The following PARD6G variants were observed in gnomAD, a reference collection of about 807,000 sequenced individuals.
PARD6G encodes par-6 family cell polarity regulator gamma, also known as partitioning defective 6 homolog gamma.
Under a neutral mutation model 10.7 loss-of-function variants are expected in PARD6G, and 7 were observed. That is an observed-to-expected ratio of 0.66 (90% CI 0.37 to 1.23). The LOEUF (loss-of-function observed/expected upper bound fraction) is 1.23, where lower values mean the gene tolerates loss of function less well. PARD6G is among the 50% of genes most tolerant of loss of function. The pLI is 0.02. For missense variants in PARD6G, 548 were observed against 571.8 expected (o/e 0.96, Z 0.42); for synonymous variants, 287 against 269.4 (o/e 1.07, Z -0.64).
chr18:80,235,717 C>T (rs1314202555), intron 1 of PARD6G, among the ~76,000 whole-genome samples: 1 of 152,138 alleles, frequency 6.6e-6, no homozygotes, highest in Non-Finnish European at 1.5e-5. Flanking sequence ...TCAGAGAATA[C>T]TATAAACACC....
At chr18:80,225,871 A>G (rs1281842220) in intron 1 of PARD6G, among the ~76,000 whole-genome samples, 1 of 152,096 alleles carries the variant, frequency 6.6e-6, no homozygotes, top group African/African-American at 2.4e-5. Context: ...AGGAGATCAG[A>G]GCACACCTAG....
At chr18:80,174,340 A>G (rs1416738243) in intron 2 of PARD6G, among the ~76,000 whole-genome samples, 1 of 152,158 alleles carries the variant, frequency 6.6e-6, no homozygotes, top group East Asian at 1.9e-4. Context: ...CCTTTGACAG[A>G]GAGGGGAACT....
At chr18:80,169,567 A>G (rs953340390) in intron 2 of PARD6G, 6 of 152,208 alleles carry the variant, frequency 3.9e-5, no homozygotes, top group African/African-American at 1.4e-4. Flanking sequence ...GGTCCTCTTC[A>G]CAGCCACTCC....
intron 1 of PARD6G, among the ~76,000 whole-genome samples, chr18:80,217,606 A>T (rs1967183466): frequency 6.6e-6 from 1 of 151,816 alleles, no homozygotes; most frequent in African/African-American, 2.4e-5. Flanking sequence ...CAGTATAATA[A>T]TGAGAAACAT....
intron 1 of PARD6G, among the ~76,000 whole-genome samples, chr18:80,222,860 G>A (rs1333627790): frequency 1.3e-5 from 2 of 151,866 alleles, no homozygotes; most frequent in African/African-American, 4.8e-5. Flanking sequence ...TTTTTTTGTA[G>A]AGACAGTGTT....
Position 80,159,931 on chromosome 18 carries a change from G to T in PARD6G, c.971C>A (p.Ser324Tyr). The change falls in exon 3 of 3, where the codon TCC (serine) becomes TAC (tyrosine). Residue 324 changes from serine to tyrosine, a missense_variant. Around this residue, in one of 2 missense-constraint regions of PARD6G, gnomAD observed 313 missense variants for 279.9 expected, o/e 1.12. Transcript: ENST00000353265. ...QTPGAPAGSL[S>Y]RVNGAGLAQR... ...CGCCAGGCCCGCGCCATTGACCCGGGAGAGGCTGCCTGCGGGCGCGCCCGG... is the reference window on the plus strand; with the variant it reads ...CGCCAGGCCCGCGCCATTGACCCGGTAGAGGCTGCCTGCGGGCGCGCCCGG... The T allele has an allele frequency of 6.6e-7, 1 of 1,510,948 alleles. No homozygotes were observed. The allele number at this position is 1,510,948 out of a possible 1,614,324, so 93.6% of individuals were successfully genotyped here.
intron 1 of PARD6G, among the ~76,000 whole-genome samples, chr18:80,214,175 C>T (rs999258425): frequency 1.3e-4 from 20 of 150,894 alleles, no homozygotes; most frequent in Admixed American, 1.1e-3. Flanking sequence ...AGAATGATAC[C>T]GGACAGGCGC....
chr18:80,177,247 G>T (rs1483864510), intron 2 of PARD6G, among the ~76,000 whole-genome samples: 1 of 36,822 alleles, frequency 2.7e-5, no homozygotes, highest in African/African-American at 2.2e-4. Flanking sequence ...CACACACACA[G>T]TACAAATCAC....
intron 2 of PARD6G, among the ~76,000 whole-genome samples, chr18:80,173,392 A>G (rs2052789664): frequency 6.6e-6 from 1 of 152,140 alleles, no homozygotes; most frequent in Non-Finnish European, 1.5e-5. Context: ...TGGGAGGCCG[A>G]AGTGAGTGGA....
rs1245798121 is a variant in PARD6G at position 80,157,446 on chromosome 18, A to C, written c.*2325T>G. The C allele has an allele frequency of 6.6e-6, 1 of 152,248 alleles. No homozygotes were observed. The highest frequency in any genetic ancestry group is 1.5e-5 in the Non-Finnish European group (1 of 68,042). 9.4% of individuals were successfully genotyped at this position (152,248 alleles called of 1,614,324 possible). Reference sequence around the variant, plus strand: ...TCTCAGTGAAAGCCTCATTTCTTAAAAAAAAACTCACATTTGCTTAACAAC... The same window carrying C: ...TCTCAGTGAAAGCCTCATTTCTTAACAAAAAACTCACATTTGCTTAACAAC... On this transcript the variant is annotated 3_prime_UTR_variant, in exon 3 of 3. Transcript: ENST00000353265.
chr18:80,218,171 C>T (rs902489919), intron 1 of PARD6G, among the ~76,000 whole-genome samples: 14 of 152,112 alleles, frequency 9.2e-5, no homozygotes, highest in Admixed American at 6.5e-5. Context: ...CACAATCATA[C>T]CCTTCCAACA....
chr18:80,201,260 T>C lies in PARD6G; in HGVS notation c.295+1450A>G, dbSNP rs547807462. On this transcript the variant is annotated intron_variant, in intron 2 of 2. Coordinates refer to ENST00000353265, the MANE Select transcript of PARD6G (RefSeq NM_032510.4). The surrounding 1 kb of genome is among the most constrained non-coding windows in gnomAD (Gnocchi z 5.9). ...CCTGAGAAGGCAGCCTGTGAACAGA[T>C]ACAGACACCCAGGCAATGTGAAGGG... Among the ~76,000 whole-genome samples the C allele has an allele frequency of 5.9e-5, 9 of 152,056 alleles. No individual in the cohort carries two copies. Among genetic ancestry groups the C allele is most frequent in the African/African-American group, 2.2e-4 (9 of 41,472 alleles).
At chr18:80,236,052 A>T (rs985604196) in intron 1 of PARD6G, among the ~76,000 whole-genome samples, 1 of 152,248 alleles carries the variant, frequency 6.6e-6, no homozygotes, top group African/African-American at 2.4e-5. Flanking sequence ...TAACAAAAAA[A>T]GAGAATTTTA....
rs1178291548 is a variant in PARD6G at position 80,180,365 on chromosome 18, C to T, written c.296-19759G>A. Among the ~76,000 whole-genome samples the T allele has an allele frequency of 1.3e-5, 2 of 152,256 alleles. No individual in the cohort carries two copies. The highest frequency in any genetic ancestry group is 1.9e-4 in the East Asian group (1 of 5,176). On this transcript the variant is annotated intron_variant, in intron 2 of 2. Transcript: ENST00000353265. This position sits in a 1 kb window ranked among gnomAD's most constrained non-coding sequence, Gnocchi z 5.6. ...GGTGAGGACACGCAGCTGGGAGGGGCGCAGCCGGCAGCACCTGGGAATGCA... is the reference window on the plus strand; with the variant it reads ...GGTGAGGACACGCAGCTGGGAGGGGTGCAGCCGGCAGCACCTGGGAATGCA...
chr18:80,191,663 C>T (rs1036315313), intron 2 of PARD6G, among the ~76,000 whole-genome samples: 1 of 152,216 alleles, frequency 6.6e-6, no homozygotes, highest in Admixed American at 6.5e-5. Flanking sequence ...ACCAAGTCTA[C>T]AAGGGCATAT....
chr18:80,177,974 C>CAT (rs1227086879), intron 2 of PARD6G: 61 of 154,048 alleles, frequency 4.0e-4, no homozygotes, highest in South Asian at 1.9e-3. Flanking sequence ...CGTGTGCATA[C>CAT]ACACACACAC....
At chr18:80,173,955 T>C (rs2052793319) in intron 2 of PARD6G, among the ~76,000 whole-genome samples, 1 of 152,190 alleles carries the variant, frequency 6.6e-6, no homozygotes, top group African/African-American at 2.4e-5. Flanking sequence ...GCCTTGGCTT[T>C]GTGGCTTCAG....
At chr18:80,190,221 C>T (rs1461686501) in intron 2 of PARD6G, among the ~76,000 whole-genome samples, 1 of 152,098 alleles carries the variant, frequency 6.6e-6, no homozygotes, top group Non-Finnish European at 1.5e-5. Flanking sequence ...AAAAAAGAAA[C>T]GACCCAAGCC....
chr18:80,215,058 C>T (rs758899342), intron 1 of PARD6G, among the ~76,000 whole-genome samples: 8 of 151,254 alleles, frequency 5.3e-5, no homozygotes, highest in Non-Finnish European at 1.0e-4. Flanking sequence ...GACCAAAATG[C>T]TGTGGAATGA....
Sources: allele counts gnomAD v4.1 joint callset (sites outside exome capture counted in the v4.1 genomes callset), GRCh38; gene constraint gnomAD v4.1.1; regional missense constraint gnomAD v4.1.1; non-coding constraint Gnocchi (gnomAD v3.1); transcripts MANE v1.5; gene names NCBI Gene and HGNC (gene_info 2026-07-23, HGNC 2026-07-21).